CREBBP: variants seen among roughly 807,000 people sequenced by gnomAD.
CREBBP encodes the protein CREB binding lysine acetyltransferase.
In CREBBP, 19 loss-of-function variants were observed where a neutral mutation model predicts 265.0. That is an observed-to-expected ratio of 0.07 (90% CI 0.05 to 0.11). The LOEUF (loss-of-function observed/expected upper bound fraction) is 0.11, where lower values mean the gene tolerates loss of function less well. Among genes scored for constraint, CREBBP ranks in the 10% least tolerant of loss-of-function variants. The pLI, the probability that CREBBP is intolerant of heterozygous loss-of-function variation, is 1.00. For synonymous variants in CREBBP, 1,457 were observed against 1,223.7 expected (o/e 1.19, Z -3.98); for missense variants, 2,525 against 3,219.0 (o/e 0.78, Z 5.22).
At chr16:3,783,349 C>T (rs1031437005) in intron 5 of CREBBP, among the ~76,000 whole-genome samples, 1 of 152,204 alleles carries the variant, frequency 6.6e-6, no homozygotes, top group Admixed American at 6.5e-5. Flanking sequence ...GACCCCAACC[C>T]TGTCCTTCAC....
chr16:3,816,574 GT>G (rs1329225639), intron 2 of CREBBP, among the ~76,000 whole-genome samples: 1 of 152,192 alleles, frequency 6.6e-6, no homozygotes, highest in Non-Finnish European at 1.5e-5. Context: ...GGTCTGAACT[GT>G]CTGGCAAGTA....
intron 2 of CREBBP, among the ~76,000 whole-genome samples, chr16:3,817,888 C>G (rs1253222730): frequency 1.3e-5 from 2 of 152,086 alleles, no homozygotes; most frequent in African/African-American, 4.8e-5. Context: ...ACTCTAAGAT[C>G]TCCTAAAGAT....
intron 1 of CREBBP, among the ~76,000 whole-genome samples, chr16:3,856,760 T>C (rs1277365298): frequency 6.6e-6 from 1 of 152,214 alleles, no homozygotes; most frequent in East Asian, 1.9e-4. Context: ...AGAGACCGTG[T>C]CAAGCACTGT....
intron 2 of CREBBP, 106 bp downstream of exon 2, chr16:3,850,191 C>T (rs2054797687): frequency 1.8e-6 from 2 of 1,103,250 alleles, no homozygotes; most frequent in African/African-American, 3.1e-5. Context: ...CGTGGAGAGC[C>T]CAAGAGGAAA....
chr16:3,757,489 A>C (rs1350651951), intron 18 of CREBBP, 113 bp from the exon 19 acceptor site: 2 of 1,021,876 alleles, frequency 2.0e-6, no homozygotes, highest in Non-Finnish European at 3.0e-6. Context: ...TATATTAGAC[A>C]GTTTTCTAAC....
At chr16:3,827,793 T>A (rs1009186878) in intron 2 of CREBBP, among the ~76,000 whole-genome samples, 1 of 151,662 alleles carries the variant, frequency 6.6e-6, no homozygotes, top group African/African-American at 2.4e-5. Context: ...TGAGCTCAAG[T>A]GATCTTCCTA....
chr16:3,732,551 C>CT (rs1420187483), intron 28 of CREBBP, among the ~76,000 whole-genome samples: 2 of 152,178 alleles, frequency 1.3e-5, no homozygotes, highest in East Asian at 1.9e-4. Context: ...CTCACTTACA[C>CT]TTTAACAGAG....
chr16:3,874,802 A>G (rs2055366673), intron 1 of CREBBP, among the ~76,000 whole-genome samples: 1 of 152,194 alleles, frequency 6.6e-6, no homozygotes, highest in Admixed American at 6.5e-5. Flanking sequence ...AATACCTCTT[A>G]GCATGCCCTC....
At chr16:3,767,636 A>G (rs146195629) in intron 16 of CREBBP, 84 bp downstream of exon 16, 10 of 1,564,314 alleles carry the variant, frequency 6.4e-6, no homozygotes, top group Non-Finnish European at 7.9e-6. Context: ...TTATGTTTCT[A>G]CTTTAGCTTT....
intron 1 of CREBBP, among the ~76,000 whole-genome samples, chr16:3,862,313 T>C (rs9940470): frequency 0.32 from 48,871 of 151,804 alleles, 8,547 homozygotes; most frequent in African/African-American, 0.45. Context: ...GCTGCTCTGC[T>C]GTGGGGAACT....
chr16:3,865,845 C>T (rs1029151119), intron 1 of CREBBP, among the ~76,000 whole-genome samples: 2 of 152,112 alleles, frequency 1.3e-5, no homozygotes, highest in Admixed American at 6.6e-5. Flanking sequence ...ACCATGTTGG[C>T]CAGGACGGTC....
intron 2 of CREBBP, among the ~76,000 whole-genome samples, chr16:3,843,965 G>A (rs560441696): frequency 4.0e-5 from 6 of 150,738 alleles, no homozygotes; most frequent in African/African-American, 7.3e-5. Context: ...CGGCTAAAAC[G>A]GTGAAACCCC....
intron 2 of CREBBP, among the ~76,000 whole-genome samples, chr16:3,842,380 G>A (rs2054581050): frequency 6.6e-6 from 1 of 152,114 alleles, no homozygotes; most frequent in Non-Finnish European, 1.5e-5. Context: ...GTGTCTGTAC[G>A]GCTTCTAAAT....
At chr16:3,773,544 T>C (rs539779796) in intron 13 of CREBBP, 9 of 596,934 alleles carry the variant, frequency 1.5e-5, no homozygotes, top group East Asian at 8.5e-5. Context: ...CTTTTGCATA[T>C]AGTTAACCCA....
At chr16:3,792,171 C>T in intron 4 of CREBBP, 77 bp from the exon 5 acceptor site, 3 of 1,167,826 alleles carry the variant, frequency 2.6e-6, no homozygotes. Context: ...AATTATAATG[C>T]CAGATTCCAT....
intron 2 of CREBBP, among the ~76,000 whole-genome samples, chr16:3,849,454 T>TGTGTGTGTG (rs2054773232): frequency 7.8e-5 from 7 of 90,322 alleles, no homozygotes; most frequent in Non-Finnish European, 1.9e-4. Context: ...TGTGTGTGTG[T>TGTGTGTGTG]GTGTGTGTGT....
At chr16:3,747,603 C>G (rs1019004733) in intron 21 of CREBBP, among the ~76,000 whole-genome samples, 2 of 152,220 alleles carry the variant, frequency 1.3e-5, no homozygotes, top group Non-Finnish European at 2.9e-5. Flanking sequence ...GACCCCTTCA[C>G]TCATCCATGT....
At chr16:3,778,208 A>G in intron 9 of CREBBP, 26 bp from the exon 10 acceptor site, 9 of 1,548,832 alleles carry the variant, frequency 5.8e-6, no homozygotes, top group Non-Finnish European at 8.0e-6. Context: ...ATTCAATATG[A>G]AACAGTTAAA....
chr16:3,826,503 T>C (rs1305046531), intron 2 of CREBBP, among the ~76,000 whole-genome samples: 1 of 152,010 alleles, frequency 6.6e-6, no homozygotes, highest in East Asian at 1.9e-4. Flanking sequence ...GCATCAACCA[T>C]AGTGGTAAAG....
Sources: gnomAD v4.1 joint callset for allele counts (sites outside exome capture counted in the v4.1 genomes callset) on GRCh38, gnomAD v4.1.1 for gene constraint, MANE v1.5 for transcripts, NCBI Gene and HGNC (gene_info 2026-07-23, HGNC 2026-07-21) for gene names.